The following AFF3 variants were observed in gnomAD, a reference collection of about 807,000 sequenced individuals.
AFF3 encodes ALF transcription elongation factor 3, also known as AF4/FMR2 family member 3.
A neutral mutation model predicts 129.7 loss-of-function variants in AFF3; 32 were observed. That is an observed-to-expected ratio of 0.25 (90% CI 0.19 to 0.33). The LOEUF is 0.33. Ranked by LOEUF, AFF3 falls within the 10% of genes least tolerant of loss-of-function variation. The probability of loss-of-function intolerance (pLI) is 1.00; values close to 1 mark genes in which losing one functional copy is unlikely to be tolerated. For synonymous variants in AFF3, 644 were observed against 635.4 expected (o/e 1.01, Z -0.20); for missense variants, 1,373 against 1,592.0 (o/e 0.86, Z 2.34).
At chr2:99,676,438 G>A (rs551632279) in intron 11 of AFF3, among the ~76,000 whole-genome samples, 5 of 152,296 alleles carry the variant, frequency 3.3e-5, no homozygotes, top group African/African-American at 9.6e-5. Flanking sequence ...CAGGAAGAAT[G>A]CTAGCTCTGC....
chr2:100,047,371 G>A lies in AFF3; in HGVS notation c.54-38439C>T, dbSNP rs184395530. ...GGCTCTGTCATAGTGGTGACAGAAG[G>A]TGAATGCAATTACTGATTTACTTTT... On this transcript the variant is annotated intron_variant, in intron 4 of 24. Coordinates refer to ENST00000672756, the MANE Select transcript of AFF3 (RefSeq NM_001386135.1). 3.3e-5 allele frequency among the ~76,000 whole-genome samples: 5 copies of A among 152,268 alleles called. No homozygotes were observed. In the East Asian group the frequency reaches 5.8e-4, roughly 18 times the overall value.
intron 4 of AFF3, among the ~76,000 whole-genome samples, chr2:100,090,431 G>A (rs912656069): frequency 2.6e-5 from 4 of 152,124 alleles, no homozygotes; most frequent in Admixed American, 6.6e-5. Context: ...AAATTATATA[G>A]GCAGTGTATT....
chr2:99,583,088 G>T, intron 16 of AFF3, 89 bp from the exon 17 acceptor site: 6 of 1,189,218 alleles, frequency 5.0e-6, no homozygotes, highest in South Asian at 1.3e-5. Context: ...ACCCAACTGG[G>T]ACCTGTTGGT....
chr2:99,571,844 G>A (rs1159753312), intron 18 of AFF3, among the ~76,000 whole-genome samples: 1 of 152,144 alleles, frequency 6.6e-6, no homozygotes, highest in East Asian at 1.9e-4. Context: ...AATCACAAAG[G>A]CATCCCTTCT....
At chr2:100,106,842 G>A (rs1691326007) in intron 2 of AFF3, 3 of 985,482 alleles carry the variant, frequency 3.0e-6, no homozygotes, top group Non-Finnish European at 3.6e-6. Context: ...CACCATGGAG[G>A]CTGAAGATAA....
intron 11 of AFF3, among the ~76,000 whole-genome samples, chr2:99,677,043 C>T (rs995077978): frequency 5.9e-5 from 9 of 152,170 alleles, no homozygotes; most frequent in African/African-American, 1.7e-4. Flanking sequence ...CCAAGGCTGG[C>T]GGATCATTGA....
At chr2:99,646,260 G>A (rs1018557022) in intron 13 of AFF3, among the ~76,000 whole-genome samples, 1 of 152,208 alleles carries the variant, frequency 6.6e-6, no homozygotes, top group Non-Finnish European at 1.5e-5. Flanking sequence ...CCATGGATGA[G>A]CAAACTTATA....
At chr2:99,812,101 T>G (rs368670621) in intron 8 of AFF3, among the ~76,000 whole-genome samples, 1 of 152,212 alleles carries the variant, frequency 6.6e-6, no homozygotes, top group Admixed American at 6.5e-5. Flanking sequence ...TGGGCAATGA[T>G]TCTTGTGCCC....
At chr2:99,893,465 G>A (rs1161021795) in intron 7 of AFF3, among the ~76,000 whole-genome samples, 1 of 152,170 alleles carries the variant, frequency 6.6e-6, no homozygotes, top group Non-Finnish European at 1.5e-5. Flanking sequence ...AGGTAATTCG[G>A]GTTGGATCAG....
intron 20 of AFF3, among the ~76,000 whole-genome samples, chr2:99,563,694 G>C (rs974126488): frequency 6.7e-6 from 1 of 150,362 alleles, no homozygotes; most frequent in Non-Finnish European, 1.5e-5. Context: ...CCTGTAATCC[G>C]AGCTACTGGG....
intron 7 of AFF3, among the ~76,000 whole-genome samples, chr2:100,003,406 T>A (rs893943232): frequency 2.0e-5 from 3 of 152,240 alleles, no homozygotes; most frequent in African/African-American, 7.2e-5. Context: ...ATGCTTTGGC[T>A]ATTCGTTAGT....
intron 11 of AFF3, among the ~76,000 whole-genome samples, chr2:99,683,523 C>T (rs968258291): frequency 6.6e-6 from 1 of 151,996 alleles, no homozygotes; most frequent in Non-Finnish European, 1.5e-5. Flanking sequence ...TATCACAGCT[C>T]ACTGCAGCCT....
At chr2:99,766,103 T>C (rs930087768) in intron 8 of AFF3, among the ~76,000 whole-genome samples, 2 of 152,162 alleles carry the variant, frequency 1.3e-5, no homozygotes, top group African/African-American at 4.8e-5. Flanking sequence ...TACCTGGCTA[T>C]GATGACAGGG....
chr2:99,719,501 T>C (rs913862307), intron 11 of AFF3, among the ~76,000 whole-genome samples: 1 of 152,212 alleles, frequency 6.6e-6, no homozygotes, highest in Non-Finnish European at 1.5e-5. Flanking sequence ...TCCTTCTCCC[T>C]TTATTTTCTG....
intron 8 of AFF3, among the ~76,000 whole-genome samples, chr2:99,826,009 T>TA (rs898040456): frequency 1.5e-4 from 22 of 147,080 alleles, no homozygotes; most frequent in East Asian, 4.0e-4. Flanking sequence ...TTTATTCACT[T>TA]AAAAAATTTT....
At chr2:99,721,305 C>T (rs1020422451) in intron 11 of AFF3, among the ~76,000 whole-genome samples, 12 of 152,130 alleles carry the variant, frequency 7.9e-5, no homozygotes, top group South Asian at 4.2e-4. Flanking sequence ...CCAAGGTGGG[C>T]GGATCATGAG....
intron 1 of AFF3, among the ~76,000 whole-genome samples, chr2:100,129,988 T>C (rs1692357844): frequency 6.6e-6 from 1 of 152,192 alleles, no homozygotes; most frequent in African/African-American, 2.4e-5. Context: ...GTGGCCTCTA[T>C]GTAGTCCTGC....
chr2:99,882,729 TGACA>T (rs942876257), intron 7 of AFF3, among the ~76,000 whole-genome samples: 6 of 152,240 alleles, frequency 3.9e-5, no homozygotes, highest in Non-Finnish European at 1.5e-5. Context: ...CTTTTTAATG[TGACA>T]GAACTGAACT....
At chr2:99,907,185 G>A (rs866202347) in intron 7 of AFF3, among the ~76,000 whole-genome samples, 3 of 152,116 alleles carry the variant, frequency 2.0e-5, no homozygotes, top group Admixed American at 6.6e-5. Flanking sequence ...GAGGTGGAAA[G>A]TTACAACCCT....
Sources: allele counts gnomAD v4.1 joint callset (sites outside exome capture counted in the v4.1 genomes callset), GRCh38; gene constraint gnomAD v4.1.1; transcripts MANE v1.5; gene names NCBI Gene and HGNC (gene_info 2026-07-23, HGNC 2026-07-21).